The following FLRT1 variants were observed in gnomAD, a reference collection of about 807,000 sequenced individuals.
The protein encoded by FLRT1 is fibronectin leucine rich transmembrane protein 1, also known as leucine-rich repeat transmembrane protein FLRT1.
FLRT1 carries 14 observed loss-of-function variants against 30.9 expected under a neutral mutation model. That is an observed-to-expected ratio of 0.45 (90% confidence interval 0.30 to 0.71). The LOEUF (loss-of-function observed/expected upper bound fraction) is 0.71. FLRT1 is among the 30% of genes least tolerant of loss of function. The pLI, the probability that FLRT1 is intolerant of heterozygous loss-of-function variation, is 0.08. For synonymous variants in FLRT1, 368 were observed against 430.4 expected, an observed-to-expected ratio of 0.85 and a Z score of 1.80; for missense variants, 737 against 949.2, an observed-to-expected ratio of 0.78 and a Z score of 2.94.
At chr11:64,046,946 G>C (rs771323024) in intron 1 of FLRT1, among the ~76,000 whole-genome samples, 1 of 152,198 alleles carries the variant, frequency 6.6e-6, no homozygotes, top group Non-Finnish European at 1.5e-5. Context: ...GAGACCATCA[G>C]TGGCTCTCTA....
chr11:64,077,377 C>T (rs1047147137), intron 1 of FLRT1, among the ~76,000 whole-genome samples: 1 of 152,192 alleles, frequency 6.6e-6, no homozygotes, highest in Non-Finnish European at 1.5e-5. Flanking sequence ...GCCCCTGTCA[C>T]GGGGCTGCCC....
At chr11:64,105,310 C>G (rs895028976) in intron 2 of FLRT1, among the ~76,000 whole-genome samples, 9 of 152,192 alleles carry the variant, frequency 5.9e-5, no homozygotes, top group Non-Finnish European at 8.8e-5. Flanking sequence ...TGAAGCCAAG[C>G]TAGAGGGGAG....
At chr11:64,084,339 C>T (rs1036827578) in intron 1 of FLRT1, among the ~76,000 whole-genome samples, 6 of 152,226 alleles carry the variant, frequency 3.9e-5, no homozygotes, top group African/African-American at 7.2e-5. Flanking sequence ...CCCCCAGCCT[C>T]GAGGAGCCCC....
intron 1 of FLRT1, among the ~76,000 whole-genome samples, chr11:64,046,414 G>T (rs1242985815): frequency 6.6e-6 from 1 of 152,168 alleles, no homozygotes; most frequent in Non-Finnish European, 1.5e-5. Context: ...CCCTGTGCTG[G>T]GGTGCGAGGC....
intron 1 of FLRT1, among the ~76,000 whole-genome samples, chr11:64,055,402 G>T (rs951543032): frequency 6.6e-6 from 1 of 152,230 alleles, no homozygotes; most frequent in Non-Finnish European, 1.5e-5. Flanking sequence ...AAACGATGGG[G>T]GATGGGTGCT....
intron 2 of FLRT1, among the ~76,000 whole-genome samples, chr11:64,111,325 C>T (rs548320629): frequency 3.3e-5 from 5 of 152,352 alleles, no homozygotes; most frequent in South Asian, 2.1e-4. Context: ...TCCAGCCAGA[C>T]GCTGGGGGCC....
At chr11:64,042,173 C>T (rs2134390067) in intron 1 of FLRT1, among the ~76,000 whole-genome samples, 1 of 152,298 alleles carries the variant, frequency 6.6e-6, no homozygotes, top group East Asian at 1.9e-4. Flanking sequence ...CATGCACCTT[C>T]ATGCACACAC....
chr11:64,097,611 G>C (rs570340291), intron 1 of FLRT1, among the ~76,000 whole-genome samples: 7 of 152,368 alleles, frequency 4.6e-5, no homozygotes, highest in Admixed American at 2.0e-4. Context: ...TCTGGGTTTT[G>C]TCAGGAGATG....
At chr11:64,037,492 G>A (rs565815408) in intron 1 of FLRT1, among the ~76,000 whole-genome samples, 15 of 152,316 alleles carry the variant, frequency 9.8e-5, no homozygotes, top group South Asian at 2.1e-4. Flanking sequence ...TCCTCAGAAG[G>A]TTTAAAATGG....
At chr11:64,111,072 T>C (rs1386519120) in intron 2 of FLRT1, among the ~76,000 whole-genome samples, 1 of 152,228 alleles carries the variant, frequency 6.6e-6, no homozygotes, top group Non-Finnish European at 1.5e-5. Flanking sequence ...CAAGCATCTC[T>C]GAAAGGTGCA....
chr11:64,117,275 C>T lies in FLRT1; in HGVS notation c.1008C>T (p.Leu336=), dbSNP rs35247680. 0.038 allele frequency: 60,826 copies of T among 1,614,158 alleles called. 1,410 individuals carry two copies. The highest frequency in any genetic ancestry group is 0.074 in the Middle Eastern group (448 of 6,060). The part of the protein sequence containing the change: ...RNNPWFCGCN[L]MWLRDWVKAR... ...ACCCTTGGTTTTGTGGCTGCAACCT[C>T]ATGTGGCTGCGGGACTGGGTGAAGG... Residue 336 remains leucine, a synonymous_variant, in exon 3 of 3, where the codon CTC becomes CTT. Coordinates refer to ENST00000682287, the MANE Select transcript of FLRT1 (RefSeq NM_013280.5).
intron 1 of FLRT1, among the ~76,000 whole-genome samples, chr11:64,043,385 C>T (rs773970948): frequency 2.2e-4 from 34 of 152,176 alleles, no homozygotes; most frequent in Admixed American, 1.0e-3. Context: ...TGCTGAGCCC[C>T]GAGGTCTGGG....
At chr11:64,040,122 A>G (rs1159363724) in intron 1 of FLRT1, among the ~76,000 whole-genome samples, 1 of 152,208 alleles carries the variant, frequency 6.6e-6, no homozygotes, top group African/African-American at 2.4e-5. Context: ...TGGGGAACAA[A>G]AGCAGTGGGT....
In FLRT1 at chr11:64,116,200, T is replaced by C; in HGVS notation, c.-49-19T>C. 1 of 1,535,510 alleles carries C rather than the reference T, an allele frequency of 6.5e-7. No homozygotes were observed. Among genetic ancestry groups the C allele is most frequent in the Non-Finnish European group, 8.7e-7 (1 of 1,146,758 alleles). On this transcript the variant is annotated intron_variant, in intron 2 of 2. Coordinates refer to ENST00000682287, the MANE Select transcript of FLRT1 (RefSeq NM_013280.5). ...GTCGCCGCCTCCCTCTCACTGCCCC[T>C]GTCCTGTGCTCCTTGCAGGTATTCA...
chr11:64,052,731 C>T (rs578165912), intron 1 of FLRT1, among the ~76,000 whole-genome samples: 3 of 152,338 alleles, frequency 2.0e-5, no homozygotes, highest in Admixed American at 6.5e-5. Context: ...CACAACCTCC[C>T]AGCTTCTAGG....
At chr11:64,065,698 G>A (rs1006813744) in intron 1 of FLRT1, among the ~76,000 whole-genome samples, 1 of 151,490 alleles carries the variant, frequency 6.6e-6, no homozygotes, top group Non-Finnish European at 1.5e-5. Flanking sequence ...GCTGAGGCAG[G>A]AGAACGGTGT....
intron 1 of FLRT1, among the ~76,000 whole-genome samples, chr11:64,077,298 A>T (rs942494011): frequency 6.6e-6 from 1 of 152,186 alleles, no homozygotes; most frequent in Non-Finnish European, 1.5e-5. Flanking sequence ...GTTTGCATCC[A>T]GGGGGTCAGG....
chr11:64,038,177 G>A (rs1292075565), intron 1 of FLRT1, among the ~76,000 whole-genome samples: 1 of 152,166 alleles, frequency 6.6e-6, no homozygotes, highest in Non-Finnish European at 1.5e-5. Context: ...GATGGGGAGG[G>A]GGTGCTGCCA....
At chr11:64,080,709 G>C (rs759443621) in intron 1 of FLRT1, among the ~76,000 whole-genome samples, 3 of 152,160 alleles carry the variant, frequency 2.0e-5, no homozygotes. Context: ...ACCCAGGACC[G>C]GGGAAGGAGG....
Sources: gnomAD v4.1 joint callset for allele counts (sites outside exome capture counted in the v4.1 genomes callset) on GRCh38, gnomAD v4.1.1 for gene constraint, MANE v1.5 for transcripts, NCBI Gene and HGNC (gene_info 2026-07-23, HGNC 2026-07-21) for gene names.